PCDHA3: variants seen among roughly 807,000 people sequenced by gnomAD.
PCDHA3 encodes the protein protocadherin alpha 3, also known as protocadherin alpha-3.
Under a neutral mutation model 62.2 loss-of-function variants are expected in PCDHA3, and 41 were observed. That is an observed-to-expected ratio of 0.66 (90% CI 0.51 to 0.86). The LOEUF (loss-of-function observed/expected upper bound fraction) is 0.86, where lower values mean the gene tolerates loss of function less well. Ranked by LOEUF, PCDHA3 falls within the 40% of genes least tolerant of loss-of-function variation. The pLI, the probability that PCDHA3 is intolerant of heterozygous loss-of-function variation, is 0.00. For synonymous variants in PCDHA3, 640 were observed against 555.4 expected, an observed-to-expected ratio of 1.15 and a Z score of -2.14; for missense variants, 1,304 against 1,241.2, an observed-to-expected ratio of 1.05 and a Z score of -0.76.
chr5:140,960,588 T>A (rs2095557494), intron 1 of PCDHA3, among the ~76,000 whole-genome samples: 1 of 152,166 alleles, frequency 6.6e-6, no homozygotes, highest in African/African-American at 2.4e-5. Flanking sequence ...ACAGTTCAAA[T>A]TCAAGGTACT....
chr5:140,956,644 C>G (rs2095298403), intron 1 of PCDHA3, among the ~76,000 whole-genome samples: 1 of 152,096 alleles, frequency 6.6e-6, no homozygotes, highest in Non-Finnish European at 1.5e-5. Flanking sequence ...GTTTTGGTAT[C>G]AGGATGATGC....
rs2150127523 is a variant in PCDHA3, at chr5:140,823,625, C to A, written c.2394+20034C>A. ...GAGCTGCAGCCAGCGCCTGGCAGTG[C>A]GCGCATCCCGTTCCGCGTGGGGCTG... On this transcript the variant is annotated intron_variant, in intron 1 of 3. Transcript: ENST00000522353. 4.3e-6 allele frequency: 7 copies of A among 1,614,038 alleles called. No individual in the cohort carries two copies. The East Asian group carries it at 8.9e-5, about 21-fold the overall frequency.
intron 1 of PCDHA3, among the ~76,000 whole-genome samples, chr5:140,941,202 C>CTTTCCTT (rs1554213921): frequency 5.7e-5 from 7 of 122,742 alleles, no homozygotes; most frequent in Admixed American, 1.7e-4. Flanking sequence ...TTTCTTTCTT[C>CTTTCCTT]CTTTCTTTCT....
chr5:140,915,312 C>T (rs781796761), intron 1 of PCDHA3, among the ~76,000 whole-genome samples: 2 of 152,122 alleles, frequency 1.3e-5, no homozygotes, highest in Non-Finnish European at 2.9e-5. Flanking sequence ...TTACATACCA[C>T]AATTACAGTG....
intron 1 of PCDHA3, chr5:140,966,946 C>T: frequency 6.2e-7 from 1 of 1,603,486 alleles, no homozygotes; most frequent in Non-Finnish European, 8.5e-7. Flanking sequence ...TCGTGGGCAA[C>T]GTGGCTCGCG....
chr5:140,857,560 G>C, intron 1 of PCDHA3: 1 of 1,596,914 alleles, frequency 6.3e-7, no homozygotes, highest in Non-Finnish European at 8.6e-7. Flanking sequence ...GCTCGCTGTC[G>C]AGCTACGTGT....
chr5:140,922,700 A>G (rs1447566146), intron 1 of PCDHA3, among the ~76,000 whole-genome samples: 1 of 152,256 alleles, frequency 6.6e-6, no homozygotes, highest in Non-Finnish European at 1.5e-5. Context: ...GCTTCCATAC[A>G]GTCAAGAACA....
At chr5:141,003,094 A>G (rs2098111645) in intron 3 of PCDHA3, among the ~76,000 whole-genome samples, 1 of 152,230 alleles carries the variant, frequency 6.6e-6, no homozygotes, top group African/African-American at 2.4e-5. Flanking sequence ...CAGGCCTGGC[A>G]TTTGCTTCAC....
At chr5:140,866,847 A>T (rs1485743697) in intron 1 of PCDHA3, 1 of 152,136 alleles carries the variant, frequency 6.6e-6, no homozygotes, top group African/African-American at 2.4e-5. Context: ...ATCAGTTAAC[A>T]ATAACTGTAT....
At chr5:141,002,503 A>G (rs924059580) in intron 3 of PCDHA3, among the ~76,000 whole-genome samples, 1 of 152,226 alleles carries the variant, frequency 6.6e-6, no homozygotes, top group African/African-American at 2.4e-5. Flanking sequence ...ACAGCTCAGG[A>G]TCTGAGTCTC....
intron 1 of PCDHA3, chr5:140,876,018 A>G: frequency 6.2e-7 from 1 of 1,613,764 alleles, no homozygotes; most frequent in East Asian, 2.2e-5. Flanking sequence ...AGCTTAAAAT[A>G]AAAACAAAAA....
intron 1 of PCDHA3, among the ~76,000 whole-genome samples, chr5:140,826,241 T>C (rs958846502): frequency 1.3e-5 from 2 of 152,242 alleles, no homozygotes; most frequent in Non-Finnish European, 2.9e-5. Context: ...ACTATTTATA[T>C]ATCTCTTTAT....
chr5:140,804,899 T>A, intron 1 of PCDHA3: 5 of 770,384 alleles, frequency 6.5e-6, no homozygotes, highest in Non-Finnish European at 9.5e-6. Context: ...TCCCCTCACT[T>A]CCATTTTCTT....
rs1554122870 is a variant in PCDHA3, at chr5:140,803,535, C to G, written c.2338C>G (p.Pro780Ala). 4 of 1,614,194 alleles carry G rather than the reference C, an allele frequency of 2.5e-6. No individual in the cohort carries two copies. Among genetic ancestry groups the G allele is most frequent in the South Asian group, 1.1e-5 (1 of 91,084 alleles). Residue 780 changes from proline to alanine, a missense_variant, in exon 1 of 4, where the codon CCA (proline) becomes GCA (alanine). Coordinates refer to ENST00000522353, the MANE Select transcript of PCDHA3 (RefSeq NM_018906.3). ...MAFSPSLPPCPISRDREEKQD... is the reference protein window; with the variant it reads ...MAFSPSLPPCAISRDREEKQD... ...TTTTAGCCCTAGCCTTCCTCCTTGT[C>G]CAATTAGCCGGGATAGAGAGGAGAA...
chr5:140,826,218 T>A (rs1768851358), intron 1 of PCDHA3, among the ~76,000 whole-genome samples: 1 of 152,214 alleles, frequency 6.6e-6, no homozygotes, highest in Non-Finnish European at 1.5e-5. Context: ...AAAAATCAAG[T>A]TTTGTGATAT....
At position 140,853,046 on chromosome 5, in the gene PCDHA3, T is replaced by C. The variant is rs2150527902; in HGVS notation, c.2394+49455T>C. 4 of 266,690 alleles carry C rather than the reference T, an allele frequency of 1.5e-5. No individual in the cohort carries two copies. The South Asian group carries it at 5.7e-4, about 38-fold the overall frequency. The allele number at this position is 266,690 out of a possible 1,614,324, so 16.5% of individuals were successfully genotyped here. On this transcript the variant is annotated intron_variant, in intron 1 of 3. Transcript: ENST00000522353. ...GGCGCCTGCCACCATGCCCGCCTAA[T>C]TTTTTTGTATTTTTAGTAGAGATGG...
At position 140,859,521 on chromosome 5, in the gene PCDHA3, A is replaced by T. The variant is rs187641727; in HGVS notation, c.2394+55930A>T. 138 of 194,130 alleles carry T rather than the reference A, an allele frequency of 7.1e-4. 7 individuals are homozygous for T. The highest frequency in any genetic ancestry group is 1.9e-3 in the East Asian group (11 of 5,678). 12.0% of individuals were successfully genotyped at this position (194,130 alleles called of 1,614,324 possible). A position where few individuals can be genotyped will look rare whatever the true frequency, so the allele number is the denominator to read the frequency against. On this transcript the variant is annotated intron_variant, in intron 1 of 3. Coordinates refer to ENST00000522353, the MANE Select transcript of PCDHA3 (RefSeq NM_018906.3). ...ACCTGATACCCATGATTTCATTTTTAAAAAAAATTTATTAATTCTAGTGTT... is the reference window on the plus strand; with the variant it reads ...ACCTGATACCCATGATTTCATTTTTTAAAAAAATTTATTAATTCTAGTGTT...
chr5:140,851,458 A>G lies in PCDHA3; in HGVS notation c.2394+47867A>G, dbSNP rs543530634. 8 of 902,168 alleles carry G rather than the reference A, an allele frequency of 8.9e-6. 1 individual carries two copies. The African/African-American group carries it at 1.4e-4, about 16-fold the overall frequency. 55.9% of individuals were successfully genotyped at this position (902,168 alleles called of 1,614,324 possible). ...ACAGTTGCTCCACTTTAGGAATCAA[A>G]TTATGTCAATAAATGTTATAAACAC... On this transcript the variant is annotated intron_variant, in intron 1 of 3. Coordinates refer to ENST00000522353, the MANE Select transcript of PCDHA3 (RefSeq NM_018906.3).
Position 140,848,325 on chromosome 5 carries a change from T to C in PCDHA3, c.2394+44734T>C, listed in dbSNP as rs1279729115. On this transcript the variant is annotated intron_variant, in intron 1 of 3. Transcript: ENST00000522353. Reference sequence around the variant, plus strand: ...TGTCACTCTTTGCCGCGATGTTCTCTCTGAATCCAGACAAATACAGCCCTT... The same window carrying C: ...TGTCACTCTTTGCCGCGATGTTCTCCCTGAATCCAGACAAATACAGCCCTT... The C allele has an allele frequency of 5.0e-6, 4 of 803,094 alleles. 1 individual carries two copies. The highest frequency in any genetic ancestry group is 2.0e-6 in the Non-Finnish European group (1 of 498,510). The allele number at this position is 803,094 out of a possible 1,614,324, so 49.7% of individuals were successfully genotyped here. A position where few individuals can be genotyped will look rare whatever the true frequency, so the allele number is the denominator to read the frequency against.
Sources: gnomAD v4.1 joint callset for allele counts (sites outside exome capture counted in the v4.1 genomes callset) on GRCh38, gnomAD v4.1.1 for gene constraint, MANE v1.5 for transcripts, NCBI Gene and HGNC (gene_info 2026-07-23, HGNC 2026-07-21) for gene names.